The following ATOSA variants were observed in gnomAD, a reference collection of about 807,000 sequenced individuals.
ATOSA encodes the protein atos homolog protein A.
chr15:52,660,167 G>A, the ATOSA span, among the ~76,000 whole-genome samples: 17 of 152,270 alleles, frequency 1.1e-4, no homozygotes, highest in East Asian at 1.9e-4. Context: ...AGCAACAGGC[G>A]CTTAATTTTT....
the ATOSA span, among the ~76,000 whole-genome samples, chr15:52,671,020 T>G: frequency 6.6e-6 from 1 of 152,142 alleles, no homozygotes; most frequent in Non-Finnish European, 1.5e-5. Context: ...AATTTGAACA[T>G]ACAGACATTC....
the ATOSA span, chr15:52,657,708 A>C: frequency 1.3e-5 from 2 of 152,236 alleles, no homozygotes; most frequent in African/African-American, 2.4e-5. Flanking sequence ...AATCAATAAA[A>C]TGGAAACTCA....
the ATOSA span, among the ~76,000 whole-genome samples, chr15:52,698,368 C>A: frequency 6.6e-6 from 1 of 152,102 alleles, no homozygotes; most frequent in African/African-American, 2.4e-5. Flanking sequence ...CTAGAGATAA[C>A]CTGCATCTGC....
the ATOSA span, chr15:52,610,145 C>T: frequency 4.3e-6 from 7 of 1,613,972 alleles, no homozygotes; most frequent in Non-Finnish European, 5.9e-6. Context: ...CCACATTGTT[C>T]TGCTTCATTT....
the ATOSA span, among the ~76,000 whole-genome samples, chr15:52,628,332 GA>G: frequency 6.6e-6 from 1 of 152,134 alleles, no homozygotes; most frequent in Non-Finnish European, 1.5e-5. Context: ...AGTATTTCTA[GA>G]TAAAAGACTT....
the ATOSA span, chr15:52,609,120 A>G: frequency 1.9e-6 from 3 of 1,613,326 alleles, no homozygotes; most frequent in African/African-American, 4.0e-5. Flanking sequence ...GTGTCTCCTG[A>G]TACGTACTTT....
chr15:52,600,379 C>T, the ATOSA span: 2 of 506,898 alleles, frequency 3.9e-6, no homozygotes, highest in East Asian at 6.5e-5. Context: ...TGGCTTCAGG[C>T]AATCCTCCTG....
the ATOSA span, among the ~76,000 whole-genome samples, chr15:52,639,863 G>A: frequency 6.6e-6 from 1 of 151,820 alleles, no homozygotes; most frequent in African/African-American, 2.4e-5. Context: ...TGGTTCTCCT[G>A]CCTCAGCCTC....
At chr15:52,593,626 T>G in the ATOSA span, 1 of 1,571,106 alleles carries the variant, frequency 6.4e-7, no homozygotes, top group South Asian at 1.2e-5. Context: ...AGAATGACAC[T>G]TCAACTGGAA....
the ATOSA span, among the ~76,000 whole-genome samples, chr15:52,707,652 A>C: frequency 1.3e-5 from 2 of 152,202 alleles, no homozygotes; most frequent in Non-Finnish European, 2.9e-5. Flanking sequence ...GATCAATATT[A>C]AATTTCTGAA....
the ATOSA span, among the ~76,000 whole-genome samples, chr15:52,646,857 A>G: frequency 6.6e-6 from 1 of 152,194 alleles, no homozygotes; most frequent in African/African-American, 2.4e-5. Flanking sequence ...TCCCCCTAGC[A>G]AGGGGGTTGA....
the ATOSA span, among the ~76,000 whole-genome samples, chr15:52,650,253 G>C: frequency 6.6e-6 from 1 of 152,086 alleles, no homozygotes; most frequent in Non-Finnish European, 1.5e-5. Context: ...TCTACACACA[G>C]CTGCTCTTCT....
the ATOSA span, among the ~76,000 whole-genome samples, chr15:52,662,213 A>G: frequency 6.6e-6 from 1 of 152,066 alleles, no homozygotes; most frequent in Non-Finnish European, 1.5e-5. Flanking sequence ...GGTTGGAGAG[A>G]GAAGAAGATA....
the ATOSA span, among the ~76,000 whole-genome samples, chr15:52,627,740 T>G: frequency 3.3e-5 from 5 of 152,160 alleles, no homozygotes; most frequent in Admixed American, 1.3e-4. Flanking sequence ...ATTTAACTTA[T>G]TCACAATGAT....
At chr15:52,682,978 C>G in the ATOSA span, among the ~76,000 whole-genome samples, 581 of 152,080 alleles carry the variant, frequency 3.8e-3, 1 homozygote, top group African/African-American at 0.014. Context: ...GTTTGTCTAC[C>G]CTCTAAAACC....
chr15:52,658,801 CAAAAAAAAAAAAAAA>C, the ATOSA span: 2 of 263,612 alleles, frequency 7.6e-6, no homozygotes, highest in African/African-American at 4.4e-5. Flanking sequence ...CTCGTTTCTA[CAAAAAAAAAAAAAAA>C]AAAAAAAAAA....
At chr15:52,607,138 A>C in the ATOSA span, among the ~76,000 whole-genome samples, 31 of 152,340 alleles carry the variant, frequency 2.0e-4, 1 homozygote, top group South Asian at 6.0e-3. Context: ...ACAGGTTTTT[A>C]TAAGTAATAC....
At chr15:52,670,289 C>T in the ATOSA span, among the ~76,000 whole-genome samples, 1 of 152,188 alleles carries the variant, frequency 6.6e-6, no homozygotes, top group East Asian at 1.9e-4. Context: ...CAGAGGAAAC[C>T]ATTTAGCAAT....
At chr15:52,601,211 AT>A in the ATOSA span, 2 of 1,250,260 alleles carry the variant, frequency 1.6e-6, no homozygotes, top group Non-Finnish European at 2.2e-6. Flanking sequence ...AAAACTGTTA[AT>A]TTTTTTCTTG....
Sources: gnomAD v4.1 joint callset for allele counts (sites outside exome capture counted in the v4.1 genomes callset) on GRCh38, gnomAD v4.1.1 for gene constraint, MANE v1.5 for transcripts, NCBI Gene and HGNC (gene_info 2026-07-23, HGNC 2026-07-21) for gene names.